CUEDC1: variants seen among roughly 807,000 people sequenced by gnomAD.
CUEDC1 encodes CUE domain containing 1, also known as CUE domain-containing protein 1.
A neutral mutation model predicts 43.7 loss-of-function variants in CUEDC1; 30 were observed. That is an observed-to-expected ratio of 0.69 (90% CI 0.51 to 0.93). The LOEUF is 0.93. CUEDC1 is among the 40% of genes least tolerant of loss of function. The pLI, the probability that CUEDC1 is intolerant of heterozygous loss-of-function variation, is 0.00. For synonymous variants in CUEDC1, 223 were observed against 223.6 expected (o/e 1.00, Z 0.02); for missense variants, 486 against 549.0 (o/e 0.89, Z 1.15).
chr17:57,895,390 G>A (rs1430350408), intron 1 of CUEDC1, among the ~76,000 whole-genome samples: 2 of 152,246 alleles, frequency 1.3e-5, no homozygotes, highest in Admixed American at 6.5e-5. Context: ...CTAAAGGACA[G>A]GGTTGCCCCT....
intron 1 of CUEDC1, among the ~76,000 whole-genome samples, chr17:57,946,044 C>T (rs1471278023): frequency 6.6e-6 from 1 of 151,996 alleles, no homozygotes; most frequent in Non-Finnish European, 1.5e-5. Context: ...AATATTATTA[C>T]TCCCACTGTA....
chr17:57,874,136 T>A (rs2074076951), intron 3 of CUEDC1, among the ~76,000 whole-genome samples: 1 of 152,192 alleles, frequency 6.6e-6, no homozygotes, highest in Non-Finnish European at 1.5e-5. Context: ...AACAGACACA[T>A]AAGCCACCAA....
At chr17:57,890,263 G>A (rs1021510597) in intron 1 of CUEDC1, among the ~76,000 whole-genome samples, 4 of 152,194 alleles carry the variant, frequency 2.6e-5, no homozygotes, top group Non-Finnish European at 4.4e-5. Flanking sequence ...TGTGCCCCAG[G>A]CTCAGGAGAC....
chr17:57,874,929 G>C (rs561919207), intron 3 of CUEDC1, among the ~76,000 whole-genome samples: 10 of 152,180 alleles, frequency 6.6e-5, no homozygotes, highest in Non-Finnish European at 1.2e-4. Flanking sequence ...CCTGGTGGGA[G>C]CTCAGCTCTT....
chr17:57,888,218 A>G (rs575385766), intron 1 of CUEDC1, among the ~76,000 whole-genome samples: 2 of 152,136 alleles, frequency 1.3e-5, no homozygotes, highest in African/African-American at 4.8e-5. Context: ...TTTTCTTTGC[A>G]TATACCACCA....
chr17:57,947,147 G>GAAAA (rs34707577), intron 1 of CUEDC1, among the ~76,000 whole-genome samples: 7 of 79,824 alleles, frequency 8.8e-5, no homozygotes, highest in Non-Finnish European at 1.8e-4. Flanking sequence ...GTCACCAGGA[G>GAAAA]AAAAAAAAAA....
At chr17:57,878,065 T>TC (rs970694581) in intron 3 of CUEDC1, among the ~76,000 whole-genome samples, 1 of 151,982 alleles carries the variant, frequency 6.6e-6, no homozygotes, top group Non-Finnish European at 1.5e-5. Context: ...CCAGCTCTGT[T>TC]CCTGTCCCTG....
rs1366149413 is a variant in CUEDC1, at chr17:57,873,611, G to A, written c.571C>T (p.Gln191Ter). Reference protein sequence around the residue: ...LPDDFLRILPQQLDSIQGNAG... With the variant: ...LPDDFLRILP ...GTTACCTGTATGCTGTCCAGCTGCT[G>A]GGGCAGGATGCGGAGAAAGTCATCC... The change falls in exon 4 of 11, where the codon CAG (glutamine) becomes TAG (stop). Residue 191 changes from glutamine (Q) to a stop codon, truncating the protein, a stop_gained. Coordinates refer to ENST00000577830, the MANE Select transcript of CUEDC1 (RefSeq NM_001271875.2). LOFTEE classifies it high-confidence loss of function. 3 of 1,597,096 alleles carry A rather than the reference G, an allele frequency of 1.9e-6. No individual in the cohort carries two copies. The highest frequency in any genetic ancestry group is 2.6e-6 in the Non-Finnish European group (3 of 1,171,302).
At chr17:57,871,250 T>C (rs1299544211) in intron 6 of CUEDC1, 36 bp downstream of exon 6, 2 of 1,523,756 alleles carry the variant, frequency 1.3e-6, no homozygotes, top group Admixed American at 1.7e-5. Flanking sequence ...CTCCCCACTA[T>C]GCCTCTAGGT....
chr17:57,935,528 G>A (rs1186662328), intron 1 of CUEDC1, among the ~76,000 whole-genome samples: 2 of 152,140 alleles, frequency 1.3e-5, no homozygotes, highest in Non-Finnish European at 2.9e-5. Flanking sequence ...GCCTGGGGCC[G>A]GGGTGAAGGG....
intron 2 of CUEDC1, 75 bp from the exon 3 acceptor site, chr17:57,879,813 G>A (rs1483563044): frequency 2.1e-6 from 3 of 1,433,848 alleles, no homozygotes; most frequent in Admixed American, 4.3e-5. Context: ...ACAAAATCAA[G>A]TGTGGGAGGG....
At position 57,949,739 on chromosome 17, in the gene CUEDC1, A is replaced by C. The variant is rs2074989344; in HGVS notation, c.-316+5486T>G. Among the ~76,000 whole-genome samples, 3 of 151,832 alleles carry C rather than the reference A, an allele frequency of 2.0e-5. No homozygotes were observed. The South Asian group carries it at 6.3e-4, about 32-fold the overall frequency. ...AGATACATGCCACCACGCCTAGCTAATTTTTGTAGAGATGAGGTTTCACCA... is the reference window on the plus strand; with the variant it reads ...AGATACATGCCACCACGCCTAGCTACTTTTTGTAGAGATGAGGTTTCACCA... On this transcript the variant is annotated intron_variant, in intron 1 of 10. Coordinates refer to ENST00000577830, the MANE Select transcript of CUEDC1 (RefSeq NM_001271875.2).
Position 57,905,004 on chromosome 17 carries a change from C to T in CUEDC1, c.-315-19125G>A, listed in dbSNP as rs570893433. Among the ~76,000 whole-genome samples, 164 of 152,260 alleles carry T rather than the reference C, an allele frequency of 1.1e-3. 1 individual carries two copies. The highest frequency in any genetic ancestry group is 1.9e-3 in the Non-Finnish European group (128 of 68,016). ...ATGCAGGGGCTGATTATACAGTTTACGGATTTTCCAGGCCTTTTTGTACTC... is the reference window on the plus strand; with the variant it reads ...ATGCAGGGGCTGATTATACAGTTTATGGATTTTCCAGGCCTTTTTGTACTC... On this transcript the variant is annotated intron_variant, in intron 1 of 10. Coordinates refer to ENST00000577830, the MANE Select transcript of CUEDC1 (RefSeq NM_001271875.2).
chr17:57,905,896 A>T (rs2074526201), intron 1 of CUEDC1, among the ~76,000 whole-genome samples: 1 of 152,244 alleles, frequency 6.6e-6, no homozygotes, highest in Non-Finnish European at 1.5e-5. Context: ...GTACCTCTGC[A>T]ACCTTTGGTG....
chr17:57,901,983 G>A (rs2074476765), intron 1 of CUEDC1, among the ~76,000 whole-genome samples: 1 of 152,108 alleles, frequency 6.6e-6, no homozygotes, highest in African/African-American at 2.4e-5. Flanking sequence ...AGATCGGCCT[G>A]GACAACATGG....
At chr17:57,896,487 G>GGGGTGT (rs375270781) in intron 1 of CUEDC1, among the ~76,000 whole-genome samples, 33,654 of 130,322 alleles carry the variant, frequency 0.26, 5,569 homozygotes, top group East Asian at 0.61. Flanking sequence ...TGCATTATGG[G>GGGGTGT]GTGTGTGTGT....
chr17:57,910,321 A>T (rs995341528), intron 1 of CUEDC1, among the ~76,000 whole-genome samples: 2 of 152,198 alleles, frequency 1.3e-5, no homozygotes, highest in African/African-American at 4.8e-5. Context: ...TAAAAAGAAA[A>T]AGTACACCTG....
chr17:57,885,751 G>T lies in CUEDC1; in HGVS notation c.-187C>A. ...CGGGTTAGGAGAGTACGGGCGCGGG[G>T]CCCCAGGCAGCCCTTGGAGAGCGGT... On this transcript the variant is annotated 5_prime_UTR_variant, in exon 2 of 11. Transcript: ENST00000577830. 1 of 889,144 alleles carries T rather than the reference G, an allele frequency of 1.1e-6. No homozygotes were observed. The highest frequency in any genetic ancestry group is 1.5e-6 in the Non-Finnish European group (1 of 669,996). The allele number at this position is 889,144 out of a possible 1,614,324, so 55.1% of individuals were successfully genotyped here.
intron 1 of CUEDC1, among the ~76,000 whole-genome samples, chr17:57,901,029 TG>T (rs2074466044): frequency 6.6e-6 from 1 of 152,224 alleles, no homozygotes; most frequent in Admixed American, 6.5e-5. Flanking sequence ...GAACATGCTC[TG>T]GGGATGTGCT....
Sources: allele counts gnomAD v4.1 joint callset (sites outside exome capture counted in the v4.1 genomes callset), GRCh38; gene constraint gnomAD v4.1.1; transcripts MANE v1.5; gene names NCBI Gene and HGNC (gene_info 2026-07-23, HGNC 2026-07-21).